The following LYST variants were observed in gnomAD, a reference collection of about 807,000 sequenced individuals.
The protein encoded by LYST is lysosomal-trafficking regulator.
A neutral mutation model predicts 413.6 loss-of-function variants in LYST; 192 were observed. The observed-to-expected ratio is 0.46, with a 90% CI of 0.41 to 0.52. LYST has a LOEUF of 0.52. LYST is among the 20% of genes least tolerant of loss of function. The probability of loss-of-function intolerance (pLI) is 0.00; values close to 1 mark genes in which losing one functional copy is unlikely to be tolerated. For missense variants in LYST, 3,815 were observed against 4,499.9 expected (o/e 0.85, Z 4.35); for synonymous variants, 1,525 against 1,567.3 (o/e 0.97, Z 0.64).
chr1:235,788,240 A>T (rs1670632476), intron 13 of LYST, among the ~76,000 whole-genome samples: 1 of 152,014 alleles, frequency 6.6e-6, no homozygotes, highest in Non-Finnish European at 1.5e-5. Flanking sequence ...GATCACTACA[A>T]CCTCTGCCTC....
chr1:235,785,752 A>T (rs1395374175), intron 14 of LYST, among the ~76,000 whole-genome samples: 2 of 152,170 alleles, frequency 1.3e-5, no homozygotes, highest in East Asian at 3.8e-4. Context: ...ATCCTCTACC[A>T]TGCTACATTA....
chr1:235,830,303 T>A lies in LYST; in HGVS notation c.115A>T (p.Met39Leu). ...ACAAGGTACTGTCCAAGGGTTGCCA[T>A]GTGCGTCTCCTCCTCTTCTTCCTCC... ...AREEEEEETH[M>L]ATLGQYLVHG... Residue 39 changes from methionine (M) to leucine (L), a missense_variant, in exon 3 of 53, where the codon ATG (methionine) becomes TTG (leucine). By Grantham distance (15) the Met-to-Leu change is conservative. This residue lies in a region of LYST where 1,648 missense variants were observed against 1,810.3 expected (regional missense o/e 0.91). Transcript: ENST00000389793. 6.2e-7 allele frequency: 1 copy of A among 1,614,088 alleles called. No homozygotes were observed. The highest frequency in any genetic ancestry group is 1.1e-5 in the South Asian group (1 of 91,090).
intron 1 of LYST, among the ~76,000 whole-genome samples, chr1:235,860,093 G>A (rs1171052041): frequency 4.6e-5 from 7 of 152,010 alleles, no homozygotes; most frequent in Non-Finnish European, 5.9e-5. Flanking sequence ...ATAGTTTCTG[G>A]ACTTTACCTT....
chr1:235,746,025 T>C (rs915768691), intron 29 of LYST, among the ~76,000 whole-genome samples: 4 of 152,138 alleles, frequency 2.6e-5, no homozygotes, highest in Admixed American at 2.6e-4. Flanking sequence ...TGGGGGAAAC[T>C]GGGTAAAGGG....
chr1:235,832,039 A>C (rs1303522203), intron 2 of LYST, among the ~76,000 whole-genome samples: 1 of 152,212 alleles, frequency 6.6e-6, no homozygotes, highest in Non-Finnish European at 1.5e-5. Context: ...AGAGTACTGC[A>C]GTATCGTTTC....
Position 235,734,563 on chromosome 1 carries a change from T to G in LYST, c.8455A>C (p.Asn2819His). ...EELGTAELLM[N>H]ALKLCGHKCI... Reference sequence around the variant, plus strand: ...TTGTGACCACATAACTTCAAAGCATTCATAAGCAGTTCTGCTGTGCCTAGC... The same window carrying G: ...TTGTGACCACATAACTTCAAAGCATGCATAAGCAGTTCTGCTGTGCCTAGC... The change falls in exon 32 of 53, where the codon AAT becomes CAT. Residue 2819 changes from asparagine to histidine, a missense_variant. Coordinates refer to ENST00000389793, the MANE Select transcript of LYST (RefSeq NM_000081.4). 6.2e-7 allele frequency: 1 copy of G among 1,613,552 alleles called. No homozygotes were observed. The highest frequency in any genetic ancestry group is 8.5e-7 in the Non-Finnish European group (1 of 1,179,490).
intron 42 of LYST, 24 bp from the exon 43 acceptor site, chr1:235,712,221 GAT>G (rs1662454582): frequency 6.6e-7 from 1 of 1,522,652 alleles, no homozygotes; most frequent in Non-Finnish European, 9.0e-7. Flanking sequence ...CAAATAATAC[GAT>G]TAAGACACAA....
rs1489694304 is a variant in LYST at position 235,805,949 on chromosome 1, C to G, written c.3187G>C (p.Gly1063Arg). ...GSLKKSADSLGKLELQHISSI... is the reference protein window; with the variant it reads ...GSLKKSADSLRKLELQHISSI... ...GAAATATGCTGTAACTCTAATTTAC[C>G]TAAACTGTCAGCACTCTTTTTTAGA... is the stretch of plus-strand genomic sequence containing the variant. Residue 1063 changes from glycine (G) to arginine (R), a missense_variant, in exon 6 of 53, where the codon GGT (glycine) becomes CGT (arginine). Gly to Arg is a moderately radical substitution (Grantham distance 125). Transcript: ENST00000389793. 2.5e-6 allele frequency: 4 copies of G among 1,613,768 alleles called. No individual in the cohort carries two copies. The East Asian group carries it at 8.9e-5, about 36-fold the overall frequency.
At chr1:235,861,812 TA>T (rs1679916017) in intron 1 of LYST, among the ~76,000 whole-genome samples, 1 of 152,222 alleles carries the variant, frequency 6.6e-6, no homozygotes, top group Non-Finnish European at 1.5e-5. Context: ...ATAGACTTTT[TA>T]TCCAAGTTTT....
chr1:235,804,303 G>A (rs1453525472), intron 7 of LYST, among the ~76,000 whole-genome samples: 1 of 152,154 alleles, frequency 6.6e-6, no homozygotes, highest in Non-Finnish European at 1.5e-5. Context: ...TCACTCTCCT[G>A]TTATGTATAA....
At chr1:235,802,216 A>C (rs796374797) in intron 8 of LYST, among the ~76,000 whole-genome samples, 31 of 150,452 alleles carry the variant, frequency 2.1e-4, no homozygotes, top group African/African-American at 7.6e-4. Flanking sequence ...AAAAAAAAAA[A>C]AAAACTAGCA....
rs1673625438 is a variant in LYST at position 235,812,983 on chromosome 1, C to G, written c.271G>C (p.Glu91Gln). 6.2e-7 allele frequency: 1 copy of G among 1,609,210 alleles called. No homozygotes were observed. Among genetic ancestry groups the G allele is most frequent in the South Asian group, 1.1e-5 (1 of 90,928 alleles). Residue 91 changes from glutamate to glutamine, a missense_variant, in exon 4 of 53, where the codon GAA (glutamate) becomes CAA (glutamine). Transcript: ENST00000389793. ...PLVWKIPVQE[E>Q]KATDFNLPLS... ...GGAAAAAGCATACCTGTTGCCTTTTCTTCTTGGACAGGTATCTTCCATACC... is the reference window on the plus strand; with the variant it reads ...GGAAAAAGCATACCTGTTGCCTTTTGTTCTTGGACAGGTATCTTCCATACC...
At chr1:235,681,411 C>A (rs1286351210) in intron 48 of LYST, among the ~76,000 whole-genome samples, 1 of 152,110 alleles carries the variant, frequency 6.6e-6, no homozygotes, top group African/African-American at 2.4e-5. Flanking sequence ...TGCCTAGCAA[C>A]CTACATTTTA....
At chr1:235,735,771 A>G (rs1664767895) in intron 31 of LYST, 1 of 152,158 alleles carries the variant, frequency 6.6e-6, no homozygotes, top group Non-Finnish European at 1.5e-5. Context: ...TCATTTCCCA[A>G]AAGCAAAAGA....
Position 235,663,085 on chromosome 1 carries a change from A to G in LYST, c.11268-7T>C. ...ATCACAAGAAAATGTAAGGCTGTAA[A>G]AAAAAAAAAATTCCCATTTGTACAT... On this transcript the variant is annotated splice_polypyrimidine_tract_variant and splice_region_variant and intron_variant, in intron 52 of 52. Transcript: ENST00000389793. The G allele has an allele frequency of 6.4e-7, 1 of 1,562,108 alleles. No homozygotes were observed. The highest frequency in any genetic ancestry group is 1.7e-5 in the Admixed American group (1 of 59,230).
At position 235,733,919 on chromosome 1, in the gene LYST, GATA is replaced by G. The variant is rs962875978; in HGVS notation, c.8536-16_8536-14del. On this transcript the variant is annotated splice_polypyrimidine_tract_variant and intron_variant, in intron 32 of 52. Coordinates refer to ENST00000389793, the MANE Select transcript of LYST (RefSeq NM_000081.4). The stretch of plus-strand genomic sequence containing the variant: ...ATTTCTTTTGTTCCTAGAAGATTTA[GATA>G]ATAATATACTATATAAAATTTATTA... The G allele has an allele frequency of 7.4e-7, 1 of 1,350,816 alleles. No individual in the cohort carries two copies. The highest frequency in any genetic ancestry group is 1.2e-5 in the South Asian group (1 of 85,094). The allele number at this position is 1,350,816 out of a possible 1,614,324, so 83.7% of individuals were successfully genotyped here. A position where few individuals can be genotyped will look rare whatever the true frequency, so the allele number is the denominator to read the frequency against.
chr1:235,694,078 C>T (rs939928765), intron 46 of LYST, among the ~76,000 whole-genome samples: 11 of 149,808 alleles, frequency 7.3e-5, no homozygotes, highest in East Asian at 3.9e-4. Flanking sequence ...GGCGCAATCT[C>T]GGCTCACTGC....
rs780268550 is a variant in LYST, at chr1:235,809,680, T to C, written c.1138A>G (p.Lys380Glu). ...QPDPFAPRQK[K>E]TLQEVQEDFV... ...TCTTCCTGAACCTCCTGCAGTGTTTTCTTTTGTCTTGGTGCAAAAGGGTCA... is the reference window on the plus strand; with the variant it reads ...TCTTCCTGAACCTCCTGCAGTGTTTCCTTTTGTCTTGGTGCAAAAGGGTCA... The change falls in exon 5 of 53, where the codon AAA becomes GAA. Residue 380 changes from lysine to glutamate, a missense_variant. Coordinates refer to ENST00000389793, the MANE Select transcript of LYST (RefSeq NM_000081.4). This position sits in a 1 kb window ranked among gnomAD's most constrained non-coding sequence, Gnocchi z 4.0. 2 of 1,613,792 alleles carry C rather than the reference T, an allele frequency of 1.2e-6. No homozygotes were observed. The highest frequency in any genetic ancestry group is 1.1e-5 in the South Asian group (1 of 91,048).
chr1:235,797,307 G>A (rs1671660580), intron 10 of LYST, among the ~76,000 whole-genome samples: 1 of 152,272 alleles, frequency 6.6e-6, no homozygotes, highest in Admixed American at 6.5e-5. Flanking sequence ...CAGGGAAGGG[G>A]AAAAGTAACT....
Sources: gnomAD v4.1 joint callset for allele counts (sites outside exome capture counted in the v4.1 genomes callset) on GRCh38, gnomAD v4.1.1 for gene constraint, gnomAD v4.1.1 regional missense constraint, Gnocchi (gnomAD v3.1) non-coding constraint, MANE v1.5 for transcripts, NCBI Gene and HGNC (gene_info 2026-07-23, HGNC 2026-07-21) for gene names.